CNKSR3: variants seen among roughly 807,000 people sequenced by gnomAD.
CNKSR3 encodes the protein CNKSR family member 3, also known as connector enhancer of kinase suppressor of ras 3.
CNKSR3 carries 36 observed loss-of-function variants against 67.7 expected under a neutral mutation model. That is an observed-to-expected ratio of 0.53 (90% CI 0.41 to 0.70). CNKSR3 has a LOEUF of 0.70. Ranked by LOEUF, CNKSR3 falls within the 30% of genes least tolerant of loss-of-function variation. The probability of loss-of-function intolerance (pLI) is 0.00; values close to 1 mark genes in which losing one functional copy is unlikely to be tolerated. For synonymous variants in CNKSR3, 281 were observed against 271.4 expected, an observed-to-expected ratio of 1.04 and a Z score of -0.35; for missense variants, 630 against 695.2, an observed-to-expected ratio of 0.91 and a Z score of 1.05.
At chr6:154,414,858 C>T in intron 9 of CNKSR3, 5 of 465,392 alleles carry the variant, frequency 1.1e-5, no homozygotes, top group African/African-American at 2.0e-5. Flanking sequence ...TTTGGGAGGC[C>T]AAGGTGGACA....
At chr6:154,477,981 C>T (rs973536156) in intron 1 of CNKSR3, among the ~76,000 whole-genome samples, 8 of 152,162 alleles carry the variant, frequency 5.3e-5, no homozygotes, top group East Asian at 1.9e-4. Context: ...CTGGGGCTTC[C>T]GTCCTTATGA....
chr6:154,440,441 A>G (rs1165787992), intron 4 of CNKSR3, among the ~76,000 whole-genome samples: 2 of 152,222 alleles, frequency 1.3e-5, no homozygotes, highest in Non-Finnish European at 1.5e-5. Context: ...AATATTTTAC[A>G]AGCATCTGCT....
intron 4 of CNKSR3, among the ~76,000 whole-genome samples, chr6:154,439,695 C>A (rs562628428): frequency 1.3e-5 from 2 of 152,080 alleles, no homozygotes; most frequent in African/African-American, 4.8e-5. Flanking sequence ...AGTTTGAGAC[C>A]AGCCTGGGTA....
chr6:154,438,023 C>T (rs1785507247), intron 4 of CNKSR3, among the ~76,000 whole-genome samples: 1 of 151,864 alleles, frequency 6.6e-6, no homozygotes, highest in Admixed American at 6.6e-5. Context: ...ATCTCGATCT[C>T]CTGACCTCGT....
intron 3 of CNKSR3, 35 bp downstream of exon 3, chr6:154,442,053 C>G: frequency 6.4e-7 from 1 of 1,555,360 alleles, no homozygotes; most frequent in Non-Finnish European, 8.7e-7. Flanking sequence ...TCTATCTACT[C>G]TTGCAGGGCA....
At chr6:154,467,895 G>A (rs1786237752) in intron 1 of CNKSR3, among the ~76,000 whole-genome samples, 1 of 150,970 alleles carries the variant, frequency 6.6e-6, no homozygotes, top group Non-Finnish European at 1.5e-5. Flanking sequence ...GAGTAGCTGG[G>A]ATTACAGGTG....
chr6:154,420,964 T>TAA (rs1242414720), intron 9 of CNKSR3, among the ~76,000 whole-genome samples: 1 of 152,218 alleles, frequency 6.6e-6, no homozygotes, highest in Non-Finnish European at 1.5e-5. Context: ...ATTGTAATTA[T>TAA]GTTCCCCTCT....
At chr6:154,423,468 G>A (rs1325204293) in intron 7 of CNKSR3, among the ~76,000 whole-genome samples, 6 of 152,114 alleles carry the variant, frequency 3.9e-5, no homozygotes. Flanking sequence ...ATGTTGGCCA[G>A]GCTGGTCTCG....
At chr6:154,473,434 GT>G (rs1431689032) in intron 1 of CNKSR3, among the ~76,000 whole-genome samples, 2 of 152,200 alleles carry the variant, frequency 1.3e-5, no homozygotes, top group Admixed American at 6.5e-5. Flanking sequence ...GCTTAAAAGA[GT>G]GACCTGGAAA....
chr6:154,426,448 C>T (rs144486323), intron 7 of CNKSR3, among the ~76,000 whole-genome samples: 1,569 of 152,092 alleles, frequency 0.01, 40 homozygotes, highest in African/African-American at 0.035. Context: ...TGCAGCCTCC[C>T]GGGTTCAAGC....
At chr6:154,474,025 C>T (rs138036879) in intron 1 of CNKSR3, among the ~76,000 whole-genome samples, 1,960 of 148,616 alleles carry the variant, frequency 0.013, 46 homozygotes, top group African/African-American at 0.046. Flanking sequence ...CCTTGTGATC[C>T]GTCCACCTCG....
At position 154,504,661 on chromosome 6, in the gene CNKSR3, C is replaced by T. The variant is rs138742964; in HGVS notation, c.52+5402G>A. Among the ~76,000 whole-genome samples, 761 of 151,962 alleles carry T rather than the reference C, an allele frequency of 5.0e-3. 1 individual carries two copies. Among genetic ancestry groups the T allele is most frequent in the Non-Finnish European group, 8.0e-3 (546 of 68,008 alleles). On this transcript the variant is annotated intron_variant, in intron 1 of 12. Transcript: ENST00000607772. Reference sequence around the variant, plus strand: ...GCAAATTCTCTCTCTGCTTCAGTTTCTTTAATATGGGCTGGAAATTATTCA... The same window carrying T: ...GCAAATTCTCTCTCTGCTTCAGTTTTTTTAATATGGGCTGGAAATTATTCA...
chr6:154,436,703 T>C (rs540632555), intron 4 of CNKSR3, among the ~76,000 whole-genome samples: 3 of 152,206 alleles, frequency 2.0e-5, no homozygotes, highest in African/African-American at 7.2e-5. Flanking sequence ...AGGGCCATTG[T>C]GTCTCTCTTG....
chr6:154,510,421 G>A lies in CNKSR3; in HGVS notation c.-307C>T. Reference sequence around the variant, plus strand: ...GCAGGCACGCCGGGCTGCGACCCCAGACCCCTGGCCTCGGCTCGGCACGGG... The same window carrying A: ...GCAGGCACGCCGGGCTGCGACCCCAAACCCCTGGCCTCGGCTCGGCACGGG... On this transcript the variant is annotated 5_prime_UTR_variant, in exon 1 of 13. Transcript: ENST00000607772. 1 of 459,516 alleles carries A rather than the reference G, an allele frequency of 2.2e-6. No individual in the cohort carries two copies. Among genetic ancestry groups the A allele is most frequent in the African/African-American group, 2.1e-5 (1 of 47,434 alleles). 28.5% of individuals were successfully genotyped at this position (459,516 alleles called of 1,614,324 possible).
At chr6:154,510,038 C>G in intron 1 of CNKSR3, 25 bp downstream of exon 1, 1 of 1,613,832 alleles carries the variant, frequency 6.2e-7, no homozygotes, top group Non-Finnish European at 8.5e-7. Flanking sequence ...CTGGAGGACT[C>G]CGGACCCCCC....
At chr6:154,469,521 T>A (rs137972710) in intron 1 of CNKSR3, among the ~76,000 whole-genome samples, 1 of 152,278 alleles carries the variant, frequency 6.6e-6, no homozygotes, top group African/African-American at 2.4e-5. Flanking sequence ...AGCACCATCC[T>A]ATTAAACAGT....
chr6:154,509,628 G>A (rs1464609151), intron 1 of CNKSR3, among the ~76,000 whole-genome samples: 1 of 152,160 alleles, frequency 6.6e-6, no homozygotes, highest in Admixed American at 6.5e-5. Context: ...GCCTGCGGAC[G>A]GCTCTGGGCA....
chr6:154,510,153 A>T lies in CNKSR3; in HGVS notation c.-39T>A. The T allele has an allele frequency of 6.2e-7, 1 of 1,613,002 alleles. No homozygotes were observed. Reference sequence around the variant, plus strand: ...GCCTCTCGCTGGGCTGGAGAGTCGCAGATAAAGTGCTGCTGCCTGCGCTCC... The same window carrying T: ...GCCTCTCGCTGGGCTGGAGAGTCGCTGATAAAGTGCTGCTGCCTGCGCTCC... On this transcript the variant is annotated 5_prime_UTR_variant, in exon 1 of 13. Coordinates refer to ENST00000607772, the MANE Select transcript of CNKSR3 (RefSeq NM_173515.4).
At chr6:154,413,779 G>T (rs1278247354) in intron 10 of CNKSR3, among the ~76,000 whole-genome samples, 1 of 151,750 alleles carries the variant, frequency 6.6e-6, no homozygotes, top group Non-Finnish European at 1.5e-5. Context: ...ACAGGGTCTC[G>T]CTCTGTCACC....
Sources: gnomAD v4.1 joint callset for allele counts (sites outside exome capture counted in the v4.1 genomes callset) on GRCh38, gnomAD v4.1.1 for gene constraint, MANE v1.5 for transcripts, NCBI Gene and HGNC (gene_info 2026-07-23, HGNC 2026-07-21) for gene names.